The following CHL1 variants were observed in gnomAD, a reference collection of about 807,000 sequenced individuals.
CHL1 encodes cell adhesion molecule L1 like.
CHL1 carries 96 observed loss-of-function variants against 141.9 expected under a neutral mutation model. That is an observed-to-expected ratio of 0.68 (90% confidence interval 0.57 to 0.80). The LOEUF is 0.80. CHL1 is among the 30% of genes least tolerant of loss of function. CHL1 has a pLI of 0.00. For missense variants in CHL1, 1,820 were observed against 1,457.2 expected (o/e 1.25, Z -4.05); for synonymous variants, 613 against 502.2 (o/e 1.22, Z -2.95).
intron 12 of CHL1, among the ~76,000 whole-genome samples, 198 bp from the exon 13 acceptor site, chr3:361,501 C>T (rs1359176786): frequency 6.6e-5 from 10 of 151,992 alleles, no homozygotes; most frequent in Non-Finnish European, 1.3e-4. Flanking sequence ...CCAGAATCTA[C>T]AATGAACTCA....
intron 13 of CHL1, among the ~76,000 whole-genome samples, chr3:362,942 T>G (rs2125274600): frequency 6.6e-6 from 1 of 152,268 alleles, no homozygotes; most frequent in Non-Finnish European, 1.5e-5. Context: ...TTTATTAAGC[T>G]CTGAGGACAC....
chr3:288,107 T>A (rs983840622), intron 2 of CHL1, among the ~76,000 whole-genome samples: 6 of 152,160 alleles, frequency 3.9e-5, no homozygotes, highest in Non-Finnish European at 8.8e-5. Flanking sequence ...TTACTTGGAT[T>A]CTGATTGAAA....
Position 363,193 on chromosome 3 carries a change from G to A in CHL1, c.1419-24G>A, listed in dbSNP as rs1278473499. Reference sequence around the variant, plus strand: ...ATACAATTTTGCCCTACCTCAGATGGATGTACGCTTTCTTTGTCCATAGGC... The same window carrying A: ...ATACAATTTTGCCCTACCTCAGATGAATGTACGCTTTCTTTGTCCATAGGC... On this transcript the variant is annotated intron_variant, in intron 13 of 27. Transcript: ENST00000256509. The A allele has an allele frequency of 1.9e-6, 3 of 1,598,508 alleles. No individual in the cohort carries two copies. The East Asian group carries it at 6.7e-5, about 36-fold the overall frequency.
At position 345,467 on chromosome 3, in the gene CHL1, A is replaced by ATTTAT. The variant is rs397937888; in HGVS notation, c.848+760_848+761insTATTT. On this transcript the variant is annotated intron_variant, in intron 9 of 27. Coordinates refer to ENST00000256509, the MANE Select transcript of CHL1 (RefSeq NM_006614.4). ...ATTTATTTATTTATTTATTTATTTA[A>ATTTAT]TTATTTATTCATTTATTCATTTATT... Among the ~76,000 whole-genome samples, 1,024 of 134,846 alleles carry ATTTAT rather than the reference A, an allele frequency of 7.6e-3. 8 individuals are homozygous for ATTTAT. Among genetic ancestry groups the ATTTAT allele is most frequent in the African/African-American group, 0.023 (843 of 36,356 alleles). The allele number at this position is 134,846 out of a possible 152,430, so 88.5% of individuals were successfully genotyped here.
intron 1 of CHL1, among the ~76,000 whole-genome samples, chr3:212,913 A>G (rs1455244373): frequency 6.6e-6 from 1 of 152,222 alleles, no homozygotes; most frequent in Non-Finnish European, 1.5e-5. Flanking sequence ...GCCAAATTCT[A>G]ATTCACTTAA....
chr3:348,786 C>G (rs1474625509), intron 9 of CHL1, among the ~76,000 whole-genome samples: 1 of 152,202 alleles, frequency 6.6e-6, no homozygotes, highest in East Asian at 1.9e-4. Context: ...GAGGCAGTAT[C>G]TGTGCTGCAG....
intron 2 of CHL1, among the ~76,000 whole-genome samples, chr3:300,598 A>G (rs12637355): frequency 0.16 from 24,828 of 152,100 alleles, 2,395 homozygotes; most frequent in East Asian, 0.36. Flanking sequence ...TATTCTGTGC[A>G]AGGCAATACC....
chr3:360,083 A>G (rs1315270713), intron 11 of CHL1, among the ~76,000 whole-genome samples: 1 of 152,228 alleles, frequency 6.6e-6, no homozygotes, highest in Non-Finnish European at 1.5e-5. Flanking sequence ...TTAACTTGAA[A>G]GATAATTGAA....
chr3:347,945 A>G (rs1422875071), intron 9 of CHL1, among the ~76,000 whole-genome samples: 2 of 152,240 alleles, frequency 1.3e-5, no homozygotes, highest in Non-Finnish European at 1.5e-5. Context: ...TAGAGATTAA[A>G]GAGCCTTCAT....
chr3:280,150 G>A (rs570708877), intron 2 of CHL1, among the ~76,000 whole-genome samples: 26 of 151,920 alleles, frequency 1.7e-4, no homozygotes, highest in East Asian at 1.5e-3. Context: ...TTGCTAAGTC[G>A]GGATAAAAAT....
chr3:324,597 A>G (rs957850216), intron 3 of CHL1, among the ~76,000 whole-genome samples: 1 of 147,260 alleles, frequency 6.8e-6, no homozygotes, highest in Non-Finnish European at 1.5e-5. Context: ...AGGCAAAATC[A>G]CTTCCTACTT....
At chr3:316,005 G>T (rs1291154638) in intron 2 of CHL1, among the ~76,000 whole-genome samples, 1 of 151,980 alleles carries the variant, frequency 6.6e-6, no homozygotes, top group Non-Finnish European at 1.5e-5. Context: ...GATTTATGCA[G>T]GGCCCACAGA....
intron 2 of CHL1, among the ~76,000 whole-genome samples, chr3:316,760 TA>T (rs1008060659): frequency 2.0e-5 from 3 of 151,920 alleles, no homozygotes; most frequent in Non-Finnish European, 4.4e-5. Flanking sequence ...ATGTACCCTA[TA>T]AATACTAGAT....
intron 2 of CHL1, among the ~76,000 whole-genome samples, chr3:271,633 C>T (rs1158656835): frequency 2.0e-5 from 3 of 152,118 alleles, no homozygotes; most frequent in African/African-American, 7.2e-5. Flanking sequence ...TTTGAATGAA[C>T]ATTGGCATAA....
chr3:325,928 T>A (rs747219625), intron 3 of CHL1, 31 bp from the exon 4 acceptor site: 2 of 1,453,974 alleles, frequency 1.4e-6, no homozygotes, highest in Admixed American at 3.4e-5. Flanking sequence ...GTTTGAATAG[T>A]GTGTTTTTAA....
At chr3:331,722 T>A (rs1176025374) in intron 5 of CHL1, among the ~76,000 whole-genome samples, 3 of 152,206 alleles carry the variant, frequency 2.0e-5, no homozygotes, top group African/African-American at 7.2e-5. Context: ...ATGGTATGTA[T>A]TCATAAATAA....
At chr3:316,205 G>A (rs1046498209) in intron 2 of CHL1, among the ~76,000 whole-genome samples, 5 of 152,008 alleles carry the variant, frequency 3.3e-5, no homozygotes, top group African/African-American at 1.2e-4. Flanking sequence ...AACTGCCAGG[G>A]TCTATGTCTG....
chr3:286,337 A>G (rs1028546560), intron 2 of CHL1, among the ~76,000 whole-genome samples: 5 of 152,198 alleles, frequency 3.3e-5, no homozygotes, highest in Non-Finnish European at 7.3e-5. Flanking sequence ...AGGGCTGGGC[A>G]TGGTGGCTCA....
chr3:352,175 T>C (rs1345981809), intron 10 of CHL1, among the ~76,000 whole-genome samples: 3 of 152,180 alleles, frequency 2.0e-5, no homozygotes, highest in South Asian at 2.1e-4. Flanking sequence ...CAGTCATTAA[T>C]ATACTTGAGA....
Sources: gnomAD v4.1 joint callset for allele counts (sites outside exome capture counted in the v4.1 genomes callset) on GRCh38, gnomAD v4.1.1 for gene constraint, MANE v1.5 for transcripts, NCBI Gene and HGNC (gene_info 2026-07-23, HGNC 2026-07-21) for gene names.